The following RASD2 variants were observed in gnomAD, a reference collection of about 807,000 sequenced individuals.
The protein encoded by RASD2 is GTP-binding protein Rhes.
RASD2 carries 7 observed loss-of-function variants against 15.8 expected under a neutral mutation model. That is an observed-to-expected ratio of 0.44 (90% CI 0.25 to 0.83). The LOEUF (loss-of-function observed/expected upper bound fraction) is 0.83. Ranked by LOEUF, RASD2 falls within the 40% of genes least tolerant of loss-of-function variation. The pLI, the probability that RASD2 is intolerant of heterozygous loss-of-function variation, is 0.20. For missense variants in RASD2, 274 were observed against 382.8 expected (o/e 0.72, Z 2.37); for synonymous variants, 155 against 153.6 (o/e 1.01, Z -0.07).
chr22:35,533,442 G>A, the RASD2 span, among the ~76,000 whole-genome samples: 1 of 152,220 alleles, frequency 6.6e-6, no homozygotes, highest in Non-Finnish European at 1.5e-5. Flanking sequence ...ATAGGCTTGA[G>A]AGATGATGAT....
chr22:35,536,937 G>C (rs1934255132), upstream of RASD2, among the ~76,000 whole-genome samples: 1 of 152,212 alleles, frequency 6.6e-6, no homozygotes, highest in Non-Finnish European at 1.5e-5. Context: ...AAACCGTATG[G>C]TGATGAAACC....
rs1473071998 is a variant in RASD2 at position 35,552,458 on chromosome 22, G to C, written c.*426G>C. 1 of 165,488 alleles carries C rather than the reference G, an allele frequency of 6.0e-6. No homozygotes were observed. The highest frequency in any genetic ancestry group is 2.4e-5 in the African/African-American group (1 of 41,782). The allele number at this position is 165,488 out of a possible 1,614,324, so 10.3% of individuals were successfully genotyped here. A position where few individuals can be genotyped will look rare whatever the true frequency, so the allele number is the denominator to read the frequency against. On this transcript the variant is annotated 3_prime_UTR_variant, in exon 3 of 3. Coordinates refer to ENST00000216127, the MANE Select transcript of RASD2 (RefSeq NM_014310.4). Reference sequence around the variant, plus strand: ...TCTCTCCTGGCATAACACCCAGCTTGGTTTGGGTGGCAGCTGGGAGAACTT... The same window carrying C: ...TCTCTCCTGGCATAACACCCAGCTTCGTTTGGGTGGCAGCTGGGAGAACTT...
In RASD2 at chr22:35,551,021, AACAG is replaced by A. The variant is rs1934650721; in HGVS notation, c.272-476_272-473del. Among the ~76,000 whole-genome samples the A allele has an allele frequency of 1.3e-5, 2 of 152,208 alleles. No individual in the cohort carries two copies. Among genetic ancestry groups the A allele is most frequent in the African/African-American group, 2.4e-5 (1 of 41,442 alleles). ...GCAAGGTAATATTTCATCTTCATGA[AACAG>A]ACAGAGAAACTGAGGTTACAGAGGT... On this transcript the variant is annotated intron_variant, in intron 2 of 2. Coordinates refer to ENST00000216127, the MANE Select transcript of RASD2 (RefSeq NM_014310.4). This position sits in a 1 kb window ranked among gnomAD's most constrained non-coding sequence, Gnocchi z 4.9.
At chr22:35,547,194 C>A in intron 2 of RASD2, 114 bp downstream of exon 2, 1 of 1,284,454 alleles carries the variant, frequency 7.8e-7, no homozygotes, top group Non-Finnish European at 1.1e-6. Flanking sequence ...AGACAGGCGT[C>A]ATCCCTGCAC....
chr22:35,549,527 G>A (rs186516636), intron 2 of RASD2, among the ~76,000 whole-genome samples: 31 of 152,296 alleles, frequency 2.0e-4, no homozygotes, highest in East Asian at 1.9e-3. Flanking sequence ...CAGGGGCCCC[G>A]GATTAGCCTA....
At chr22:35,536,501 A>AT (rs1934250020), upstream of RASD2, among the ~76,000 whole-genome samples, 1 of 151,720 alleles carries the variant, frequency 6.6e-6, no homozygotes, top group Non-Finnish European at 1.5e-5. Flanking sequence ...AATTTTTTCT[A>AT]TTTTTAGTAG....
chr22:35,535,664 A>G, the RASD2 span, among the ~76,000 whole-genome samples: 1 of 152,198 alleles, frequency 6.6e-6, no homozygotes, highest in South Asian at 2.1e-4. Flanking sequence ...AGAGATGAGC[A>G]GCCCCTCAGG....
chr22:35,535,953 G>A (rs9622220), upstream of RASD2, among the ~76,000 whole-genome samples: 36 of 152,064 alleles, frequency 2.4e-4, no homozygotes, highest in Non-Finnish European at 4.4e-5. Context: ...CAGATGCACC[G>A]GGGGCAGGGT....
chr22:35,540,790 T>A (rs1284345784), upstream of RASD2: 1 of 152,258 alleles, frequency 6.6e-6, no homozygotes, highest in East Asian at 2.0e-4. Flanking sequence ...TGCGAAACCT[T>A]GGGGCGGCGT....
intron 2 of RASD2, among the ~76,000 whole-genome samples, chr22:35,548,773 T>C (rs116029203): frequency 0.013 from 1,932 of 152,352 alleles, 45 homozygotes; most frequent in African/African-American, 0.044. Flanking sequence ...TTCGAATCCT[T>C]GCTGGGCCTC....
Position 35,546,949 on chromosome 22 carries a change from A to G in RASD2, c.140A>G (p.Gln47Arg), listed in dbSNP as rs1388885197. Residue 47 changes from glutamine (Q) to arginine (R), a missense_variant, in exon 2 of 3, where the codon CAG becomes CGG. Transcript: ENST00000216127. ...SRFLNGRFED[Q>R]YTPTIEDFHR... ...TTCCTCAATGGCCGCTTTGAGGACC[A>G]GTACACACCCACCATCGAGGACTTC... is the stretch of plus-strand genomic sequence containing the variant. 1.9e-6 allele frequency: 3 copies of G among 1,613,984 alleles called. No individual in the cohort carries two copies. The African/African-American group carries it at 4.0e-5, about 22-fold the overall frequency.
At position 35,546,924 on chromosome 22, in the gene RASD2, T is replaced by C. The variant is rs1934520347; in HGVS notation, c.115T>C (p.Phe39Leu). Reference protein sequence around the residue: ...RVGKSSIVSRFLNGRFEDQYT... With the variant: ...RVGKSSIVSRLLNGRFEDQYT... ...GGGCAAGAGCTCCATCGTGTCTCGC[T>C]TCCTCAATGGCCGCTTTGAGGACCA... is the stretch of plus-strand genomic sequence containing the variant. Residue 39 changes from phenylalanine to leucine, a missense_variant, in exon 2 of 3, where the codon TTC becomes CTC. Transcript: ENST00000216127. 1 of 1,613,734 alleles carries C rather than the reference T, an allele frequency of 6.2e-7. No homozygotes were observed. The highest frequency in any genetic ancestry group is 8.5e-7 in the Non-Finnish European group (1 of 1,179,902).
In RASD2 at chr22:35,551,758, A is replaced by C; in HGVS notation, c.527A>C (p.Asn176Thr). The C allele has an allele frequency of 6.2e-7, 1 of 1,613,960 alleles. No individual in the cohort carries two copies. Among genetic ancestry groups the C allele is most frequent in the Non-Finnish European group, 8.5e-7 (1 of 1,179,984 alleles). The change falls in exon 3 of 3, where the codon AAC becomes ACC. Residue 176 changes from asparagine (N) to threonine (T), a missense_variant. Physicochemically the swap from Asn to Thr is moderately conservative, Grantham distance 65. Coordinates refer to ENST00000216127, the MANE Select transcript of RASD2 (RefSeq NM_014310.4). This position sits in a 1 kb window ranked among gnomAD's most constrained non-coding sequence, Gnocchi z 4.9. ...CAYFEVSAKK[N>T]TNVDEMFYVL... Reference sequence around the variant, plus strand: ...TACTTCGAGGTGTCGGCCAAGAAGAACACCAACGTGGACGAGATGTTCTAC... The same window carrying C: ...TACTTCGAGGTGTCGGCCAAGAAGACCACCAACGTGGACGAGATGTTCTAC...
chr22:35,539,007 C>A (rs1934284890), upstream of RASD2, among the ~76,000 whole-genome samples: 1 of 152,222 alleles, frequency 6.6e-6, no homozygotes, highest in South Asian at 2.1e-4. Flanking sequence ...ATCCCCTTAG[C>A]CCCTCTGTGG....
chr22:35,543,455 C>G (rs1295749083), intron 1 of RASD2, among the ~76,000 whole-genome samples: 1 of 151,986 alleles, frequency 6.6e-6, no homozygotes, highest in East Asian at 1.9e-4. Flanking sequence ...CCAAAGGGCT[C>G]TTCAAACTCA....
intron 1 of RASD2, among the ~76,000 whole-genome samples, chr22:35,545,761 G>A (rs1934484430): frequency 6.6e-6 from 1 of 152,068 alleles, no homozygotes; most frequent in Non-Finnish European, 1.5e-5. Flanking sequence ...AGTGGAGGCT[G>A]ATCTCAGCAG....
the RASD2 span, among the ~76,000 whole-genome samples, chr22:35,533,102 T>C: frequency 5.3e-5 from 8 of 152,274 alleles, no homozygotes; most frequent in East Asian, 1.5e-3. Flanking sequence ...TGAGTTAACT[T>C]TGTAGCAGAC....
At chr22:35,550,004 T>C (rs1320394359) in intron 2 of RASD2, among the ~76,000 whole-genome samples, 2 of 152,188 alleles carry the variant, frequency 1.3e-5, no homozygotes. Flanking sequence ...CTCATGCCTG[T>C]AATCCCAGCT....
upstream of RASD2, among the ~76,000 whole-genome samples, chr22:35,537,912 C>A (rs111637934): frequency 6.6e-6 from 1 of 150,962 alleles, no homozygotes; most frequent in East Asian, 1.9e-4. Flanking sequence ...AGGCCTTGTT[C>A]GCTAGGATAA....
Sources: allele counts gnomAD v4.1 joint callset (sites outside exome capture counted in the v4.1 genomes callset), GRCh38; gene constraint gnomAD v4.1.1; non-coding constraint Gnocchi (gnomAD v3.1); transcripts MANE v1.5; gene names NCBI Gene and HGNC (gene_info 2026-07-23, HGNC 2026-07-21).